Variants in DYNC2I1 observed in about 807,000 individuals in gnomAD.
The protein encoded by DYNC2I1 is dynein 2 intermediate chain 1, also known as cytoplasmic dynein 2 intermediate chain 1.
In DYNC2I1, 89 loss-of-function variants were observed where a neutral mutation model predicts 133.4. That is an observed-to-expected ratio of 0.67 (90% confidence interval 0.56 to 0.80). The LOEUF (loss-of-function observed/expected upper bound fraction) is 0.80. Among genes scored for constraint, DYNC2I1 ranks in the 30% least tolerant of loss-of-function variants. The pLI is 0.00. For missense variants in DYNC2I1, 1,291 were observed against 1,314.5 expected (o/e 0.98, Z 0.28); for synonymous variants, 504 against 484.3 (o/e 1.04, Z -0.54).
intron 1 of DYNC2I1, among the ~76,000 whole-genome samples, chr7:158,864,711 G>A (rs1181002962): frequency 6.6e-6 from 1 of 151,806 alleles, no homozygotes; most frequent in African/African-American, 2.4e-5. Flanking sequence ...TTGCTGTGTT[G>A]CCCTGGCTGG....
chr7:158,864,659 C>T (rs1289730014), intron 1 of DYNC2I1, among the ~76,000 whole-genome samples: 2 of 151,274 alleles, frequency 1.3e-5, no homozygotes, highest in East Asian at 3.9e-4. Context: ...GCGGTTGAAT[C>T]ACCATGCTTG....
At chr7:158,881,886 T>C (rs1456261253) in intron 5 of DYNC2I1, among the ~76,000 whole-genome samples, 2 of 152,204 alleles carry the variant, frequency 1.3e-5, no homozygotes, top group African/African-American at 4.8e-5. Flanking sequence ...ACCCATAACT[T>C]AGACTCCGCT....
In DYNC2I1 at chr7:158,879,894, AAAG is replaced by A. The variant is rs779018183; in HGVS notation, c.788_790del (p.Glu263del). ...AGAAAGACATAAAGAAAAGCGACAC[AAAG>A]AAGGTTTTCATTTTGATGATGAGAG... is the stretch of plus-strand genomic sequence containing the variant. On this transcript the variant is annotated inframe_deletion, in exon 5 of 25. Transcript: ENST00000407559. The A allele has an allele frequency of 6.8e-6, 11 of 1,613,412 alleles. No homozygotes were observed. Among genetic ancestry groups the A allele is most frequent in the Non-Finnish European group, 9.3e-6 (11 of 1,179,780 alleles).
intron 4 of DYNC2I1, among the ~76,000 whole-genome samples, 180 bp downstream of exon 4, chr7:158,876,871 G>T (rs1400236366): frequency 1.3e-5 from 2 of 152,166 alleles, no homozygotes; most frequent in Non-Finnish European, 2.9e-5. Flanking sequence ...GCGTTTTTCT[G>T]ATTCCAAAGG....
At chr7:158,922,238 T>G in intron 15 of DYNC2I1, 139 bp from the exon 16 acceptor site, 1 of 763,422 alleles carries the variant, frequency 1.3e-6, no homozygotes, top group Non-Finnish European at 2.1e-6. Flanking sequence ...AAACCTACGT[T>G]TCATGTATGT....
In DYNC2I1 at chr7:158,856,685, G is replaced by A; in HGVS notation, c.-51G>A. On this transcript the variant is annotated 5_prime_UTR_variant, in exon 1 of 25. Coordinates refer to ENST00000407559, the MANE Select transcript of DYNC2I1 (RefSeq NM_018051.5). ...ACAGGTGGCCTCTTCGGGGTGGACC[G>A]CGCCTGGCCGGGGCCGAGGACACCG... is the stretch of plus-strand genomic sequence containing the variant. 8.1e-7 allele frequency: 1 copy of A among 1,231,948 alleles called. No homozygotes were observed. 76.3% of individuals were successfully genotyped at this position (1,231,948 alleles called of 1,614,324 possible).
At chr7:158,864,207 C>T (rs1258207676) in intron 1 of DYNC2I1, among the ~76,000 whole-genome samples, 2 of 152,040 alleles carry the variant, frequency 1.3e-5, no homozygotes, top group African/African-American at 2.4e-5. Context: ...TGGGCCTAAA[C>T]ATTTAAAGGA....
upstream of DYNC2I1, among the ~76,000 whole-genome samples, chr7:158,855,939 CTT>C (rs71200072): frequency 4.9e-4 from 58 of 119,266 alleles, no homozygotes; most frequent in Middle Eastern, 4.9e-3. Context: ...AAGCTCTTTT[CTT>C]TTTTTTTTTT....
chr7:158,876,438 A>G (rs1441189890), intron 3 of DYNC2I1, among the ~76,000 whole-genome samples, 171 bp from the exon 4 acceptor site: 2 of 152,190 alleles, frequency 1.3e-5, no homozygotes, highest in South Asian at 4.1e-4. Context: ...TTTAAATTTG[A>G]TACTAGAACT....
chr7:158,934,647 C>T lies in DYNC2I1; in HGVS notation c.2778+98C>T. 7.1e-6 allele frequency: 9 copies of T among 1,271,856 alleles called. No homozygotes were observed. In the South Asian group the frequency reaches 1.3e-4, roughly 19 times the overall value. 78.8% of individuals were successfully genotyped at this position (1,271,856 alleles called of 1,614,324 possible). ...CCAAGCTGGAGTGCAGTGATGTGGT[C>T]ATAGCTCACTGCAGCCTTGAACTCC... On this transcript the variant is annotated intron_variant, in intron 23 of 24. Coordinates refer to ENST00000407559, the MANE Select transcript of DYNC2I1 (RefSeq NM_018051.5).
intron 23 of DYNC2I1, among the ~76,000 whole-genome samples, chr7:158,941,688 C>A (rs1851379546): frequency 1.3e-5 from 2 of 152,146 alleles, no homozygotes; most frequent in African/African-American, 4.8e-5. Flanking sequence ...TCGAGACCAG[C>A]TTGGGCAACA....
the DYNC2I1 span, among the ~76,000 whole-genome samples, chr7:158,851,050 T>A: frequency 6.6e-6 from 1 of 151,950 alleles, no homozygotes; most frequent in Non-Finnish European, 1.5e-5. Flanking sequence ...AATCTTTTTC[T>A]TTTGAGTTAT....
At chr7:158,951,363 C>T (rs553994662) in intron 4 of DYNC2I1, among the ~76,000 whole-genome samples, 7 of 152,298 alleles carry the variant, frequency 4.6e-5, no homozygotes, top group East Asian at 3.9e-4. Context: ...GGTCCCTGGG[C>T]GATGGCACCA....
Position 158,857,534 on chromosome 7 carries a change from G to GTTTTT in DYNC2I1, c.15+785_15+789dup, listed in dbSNP as rs374994955. Among the ~76,000 whole-genome samples, 775 of 131,306 alleles carry GTTTTT rather than the reference G, an allele frequency of 5.9e-3. 68 individuals are homozygous for GTTTTT. The highest frequency in any genetic ancestry group is 0.023 in the African/African-American group (746 of 32,040). 86.1% of individuals were successfully genotyped at this position (131,306 alleles called of 152,430 possible). ...GTATTTTATGTTATATAAACCTTAG[G>GTTTTT]TTTTTGTTTTTTTTTTTTTTTTGAG... On this transcript the variant is annotated intron_variant, in intron 1 of 24. Transcript: ENST00000407559.
At chr7:158,905,145 T>C (rs761346010) in intron 10 of DYNC2I1, 99 of 389,362 alleles carry the variant, frequency 2.5e-4, no homozygotes, top group Non-Finnish European at 4.1e-4. Flanking sequence ...TTTTTCTTTT[T>C]TTTTTTTTTT....
At chr7:158,868,499 A>T (rs2129477129) in intron 1 of DYNC2I1, among the ~76,000 whole-genome samples, 1 of 152,340 alleles carries the variant, frequency 6.6e-6, no homozygotes, top group East Asian at 1.9e-4. Flanking sequence ...ACATCAGAGG[A>T]GCTGGACGGT....
chr7:158,915,912 T>G (rs1848174029), intron 14 of DYNC2I1, among the ~76,000 whole-genome samples: 1 of 124,704 alleles, frequency 8.0e-6, no homozygotes, highest in African/African-American at 2.9e-5. Flanking sequence ...TTGTGAAACG[T>G]CGACACGCTG....
At chr7:158,854,951 G>A (rs1440505476), upstream of DYNC2I1, among the ~76,000 whole-genome samples, 10 of 152,238 alleles carry the variant, frequency 6.6e-5, no homozygotes, top group Non-Finnish European at 1.0e-4. Flanking sequence ...CAAGGTGCCC[G>A]GCCCTGCCTT....
chr7:158,913,921 G>C (rs1489172377), intron 13 of DYNC2I1, among the ~76,000 whole-genome samples: 2 of 152,156 alleles, frequency 1.3e-5, no homozygotes, highest in African/African-American at 2.4e-5. Flanking sequence ...TGTTGGCCAG[G>C]CTGGTCTTGA....
Sources: gnomAD v4.1 joint callset for allele counts (sites outside exome capture counted in the v4.1 genomes callset) on GRCh38, gnomAD v4.1.1 for gene constraint, MANE v1.5 for transcripts, NCBI Gene and HGNC (gene_info 2026-07-23, HGNC 2026-07-21) for gene names.